SYNE1: variants seen among roughly 807,000 people sequenced by gnomAD.
SYNE1 encodes the protein nesprin-1.
A neutral mutation model predicts 1,111.0 loss-of-function variants in SYNE1; 616 were observed. The observed-to-expected ratio is 0.55, with a 90% CI of 0.52 to 0.59. The LOEUF (loss-of-function observed/expected upper bound fraction) is 0.59, where lower values mean the gene tolerates loss of function less well. Ranked by LOEUF, SYNE1 falls within the 20% of genes least tolerant of loss-of-function variation. The pLI is 0.00. For synonymous variants in SYNE1, 3,855 were observed against 3,825.8 expected (o/e 1.01, Z -0.28); for missense variants, 10,006 against 10,417.0 (o/e 0.96, Z 1.72).
Position 152,414,092 on chromosome 6 carries a change from T to C in SYNE1, c.6051-561A>G, listed in dbSNP as rs572676163. The stretch of plus-strand genomic sequence containing the variant: ...ATCATTTTTGTCCCTAATCTATTAG[T>C]ATCTCAGCATTTATAAAAAGTGGCC... On this transcript the variant is annotated intron_variant, in intron 41 of 145. Transcript: ENST00000367255. Among the ~76,000 whole-genome samples, 5 of 152,048 alleles carry C rather than the reference T, an allele frequency of 3.3e-5. No individual in the cohort carries two copies. In the South Asian group the frequency reaches 1.0e-3, roughly 32 times the overall value.
At chr6:152,350,892 G>A in intron 70 of SYNE1, 122 bp from the exon 71 acceptor site, 1 of 1,180,696 alleles carries the variant, frequency 8.5e-7, no homozygotes. Context: ...TATTTATGAA[G>A]CAATAGGTGC....
At chr6:152,510,986 T>C in intron 7 of SYNE1, 25 bp downstream of exon 7, 2 of 1,599,522 alleles carry the variant, frequency 1.3e-6, no homozygotes, top group Non-Finnish European at 1.7e-6. Flanking sequence ...TTGCATCAAC[T>C]GAAAGAGGAA....
chr6:152,269,166 G>A lies in SYNE1; in HGVS notation c.18694C>T (p.Gln6232Ter). ...AGGAAACACTTTACTTTTTGTTGCT[G>A]GAGACTGCTCTGCCGCTGCTGGGTC... ...TWTQQRQSSL[Q>*]QQKELEQELA... is the part of the protein sequence containing the mutation. Residue 6232 changes from glutamine (Q) to a stop codon, truncating the protein, a stop_gained, in exon 99 of 146, where the codon CAG becomes TAG. Coordinates refer to ENST00000367255, the MANE Select transcript of SYNE1 (RefSeq NM_182961.4). LOFTEE classifies it high-confidence loss of function. 6.2e-7 allele frequency: 1 copy of A among 1,614,216 alleles called. No homozygotes were observed. Among genetic ancestry groups the A allele is most frequent in the Non-Finnish European group, 8.5e-7 (1 of 1,180,038 alleles).
At chr6:152,573,557 C>T (rs1385218322) in intron 3 of SYNE1, among the ~76,000 whole-genome samples, 2 of 152,010 alleles carry the variant, frequency 1.3e-5, no homozygotes. Flanking sequence ...CTCTTCTTTC[C>T]TCAGATGACC....
Position 152,354,720 on chromosome 6 carries a change from C to T in SYNE1, c.10865G>A (p.Ser3622Asn), listed in dbSNP as rs2096803819. 1.2e-5 allele frequency: 20 copies of T among 1,614,222 alleles called. No homozygotes were observed. The highest frequency in any genetic ancestry group is 1.6e-5 in the Non-Finnish European group (19 of 1,180,038). Residue 3622 changes from serine (S) to asparagine (N), a missense_variant, in exon 67 of 146, where the codon AGT becomes AAT. Transcript: ENST00000367255. ...GTTAGACTGACGTCTGGTCCTGGGACTAACTTTCTCCTCTGCTGTTTTGAG... is the reference window on the plus strand; with the variant it reads ...GTTAGACTGACGTCTGGTCCTGGGATTAACTTTCTCCTCTGCTGTTTTGAG... ...EWLKTAEEKV[S>N]PRTRRQSNRA...
intron 87 of SYNE1, chr6:152,316,378 CG>C (rs1172018690): frequency 1.0e-5 from 2 of 191,722 alleles, no homozygotes; most frequent in Non-Finnish European, 2.2e-5. Context: ...ATATTATTTA[CG>C]TCTTCATACA....
At chr6:152,569,283 C>T (rs548200119) in intron 3 of SYNE1, among the ~76,000 whole-genome samples, 1 of 152,072 alleles carries the variant, frequency 6.6e-6, no homozygotes, top group African/African-American at 2.4e-5. Flanking sequence ...GCAGTGGTTC[C>T]CAGCATGCAT....
chr6:152,308,718 T>G, intron 90 of SYNE1, 86 bp from the exon 91 acceptor site: 1 of 1,435,922 alleles, frequency 7.0e-7, no homozygotes, highest in East Asian at 2.3e-5. Context: ...TTAACTCCTA[T>G]TTACCTGTAC....
At position 152,483,107 on chromosome 6, in the gene SYNE1, T is replaced by C; in HGVS notation, c.1328A>G (p.Gln443Arg). 1 of 1,614,222 alleles carries C rather than the reference T, an allele frequency of 6.2e-7. No individual in the cohort carries two copies. The highest frequency in any genetic ancestry group is 1.1e-5 in the South Asian group (1 of 91,086). The change falls in exon 14 of 146, where the codon CAA (glutamine) becomes CGA (arginine). Residue 443 changes from glutamine (Q) to arginine (R), a missense_variant. Gln to Arg is a conservative substitution (Grantham distance 43, BLOSUM62 1). Coordinates refer to ENST00000367255, the MANE Select transcript of SYNE1 (RefSeq NM_182961.4). ...QVHEETANTIQRKLEQHKDLL... is the reference protein window; with the variant it reads ...QVHEETANTIRRKLEQHKDLL... Reference sequence around the variant, plus strand: ...TACCTTATGTTGCTCAAGTTTCCGTTGTATCGTGTTTGCTGTTTCCTCGTG... The same window carrying C: ...TACCTTATGTTGCTCAAGTTTCCGTCGTATCGTGTTTGCTGTTTCCTCGTG...
At position 152,326,354 on chromosome 6, in the gene SYNE1, C is replaced by T; in HGVS notation, c.15235G>A (p.Glu5079Lys). ...CGGCTCATCCTCTGGCTCCTGAGTT[C>T]CAGAGAAGCCACTTTCTGTTCTAGG... is the stretch of plus-strand genomic sequence containing the variant. The part of the protein sequence containing the change: ...EDLEQKVASL[E>K]LRSQRMSRDS... Residue 5079 changes from glutamate (E) to lysine (K), a missense_variant, in exon 79 of 146, where the codon GAA (glutamate) becomes AAA (lysine). Physicochemically the swap from Glu to Lys is moderately conservative, Grantham distance 56. Transcript: ENST00000367255. The T allele has an allele frequency of 6.2e-7, 1 of 1,614,134 alleles. No homozygotes were observed. The highest frequency in any genetic ancestry group is 1.7e-5 in the Admixed American group (1 of 59,994).
intron 45 of SYNE1, among the ~76,000 whole-genome samples, chr6:152,405,204 A>G (rs960199065): frequency 1.3e-5 from 2 of 152,350 alleles, no homozygotes; most frequent in Middle Eastern, 3.4e-3. Context: ...TGTCACACAG[A>G]CAGTGGGTAA....
intron 31 of SYNE1, 84 bp from the exon 32 acceptor site, chr6:152,441,354 C>T (rs1207010275): frequency 3.4e-5 from 49 of 1,424,070 alleles, no homozygotes; most frequent in Non-Finnish European, 4.3e-5. Flanking sequence ...AAACTGTCAA[C>T]TTTCAGCGAA....
At chr6:152,270,297 G>T (rs9397496) in intron 98 of SYNE1, among the ~76,000 whole-genome samples, 1 of 152,022 alleles carries the variant, frequency 6.6e-6, no homozygotes, top group African/African-American at 2.4e-5. Context: ...CTGTGGGCAC[G>T]TGTGGTTACC....
At chr6:152,434,649 A>G (rs1359759643) in intron 33 of SYNE1, 1 of 152,134 alleles carries the variant, frequency 6.6e-6, no homozygotes, top group Non-Finnish European at 1.5e-5. Flanking sequence ...AATTTCAACT[A>G]TAGATTTCTA....
chr6:152,519,718 A>G (rs1259072964), intron 6 of SYNE1, among the ~76,000 whole-genome samples: 1 of 152,192 alleles, frequency 6.6e-6, no homozygotes, highest in African/African-American at 2.4e-5. Flanking sequence ...TTTGAGGAAA[A>G]GCAGAAACTT....
intron 41 of SYNE1, among the ~76,000 whole-genome samples, chr6:152,415,479 T>C (rs2098136633): frequency 6.6e-6 from 1 of 152,166 alleles, no homozygotes; most frequent in Non-Finnish European, 1.5e-5. Flanking sequence ...CACCATTTTC[T>C]TTCCTCCAAC....
At chr6:152,163,764 GA>G (rs1297179758) in intron 131 of SYNE1, among the ~76,000 whole-genome samples, 4 of 151,998 alleles carry the variant, frequency 2.6e-5, no homozygotes, top group Non-Finnish European at 4.4e-5. Context: ...CTATACACAG[GA>G]AAAAAAGTCG....
At chr6:152,432,720 C>T (rs899928766) in intron 34 of SYNE1, among the ~76,000 whole-genome samples, 1 of 152,042 alleles carries the variant, frequency 6.6e-6, no homozygotes, top group Admixed American at 6.6e-5. Flanking sequence ...TGAGACAAAA[C>T]TATTTAAATG....
intron 95 of SYNE1, among the ~76,000 whole-genome samples, chr6:152,286,859 G>A (rs1034339173): frequency 1.3e-5 from 2 of 152,092 alleles, no homozygotes; most frequent in African/African-American, 4.8e-5. Context: ...TCCCTTTATT[G>A]TTAGGGCTTT....
Sources: gnomAD v4.1 joint callset for allele counts (sites outside exome capture counted in the v4.1 genomes callset) on GRCh38, gnomAD v4.1.1 for gene constraint, MANE v1.5 for transcripts, NCBI Gene and HGNC (gene_info 2026-07-23, HGNC 2026-07-21) for gene names.